CHD9NB: variants seen among roughly 807,000 people sequenced by gnomAD.
The protein encoded by CHD9NB is CHD9 neighbor.
the CHD9NB span, among the ~76,000 whole-genome samples, chr16:53,051,797 ATATATATATATAT>A: frequency 5.5e-5 from 7 of 127,054 alleles, no homozygotes; most frequent in Admixed American, 7.7e-5. Flanking sequence ...ATATATATAT[ATATATATATATAT>A]AATGAGTACC....
At chr16:53,039,742 A>C in the CHD9NB span, among the ~76,000 whole-genome samples, 2 of 1,030 alleles carry the variant, frequency 1.9e-3, no homozygotes, top group South Asian at 0.013. Flanking sequence ...TTCCATCTCA[A>C]AAAAAAAAAA....
chr16:53,044,530 G>A, the CHD9NB span, among the ~76,000 whole-genome samples: 2 of 152,166 alleles, frequency 1.3e-5, no homozygotes, highest in Non-Finnish European at 2.9e-5. Context: ...ACTATGCAAC[G>A]GGCTGTAGCC....
chr16:53,045,670 T>A, the CHD9NB span, among the ~76,000 whole-genome samples: 2 of 152,204 alleles, frequency 1.3e-5, no homozygotes, highest in African/African-American at 4.8e-5. Flanking sequence ...TGACTCGGAT[T>A]CACTTGTGGA....
chr16:53,040,011 C>T, the CHD9NB span, among the ~76,000 whole-genome samples: 9 of 152,124 alleles, frequency 5.9e-5, no homozygotes, highest in Middle Eastern at 3.2e-3. Context: ...CACCCCACTG[C>T]GCCCATCAAG....
At chr16:53,043,787 A>C in the CHD9NB span, 7 of 378,726 alleles carry the variant, frequency 1.8e-5, no homozygotes, top group African/African-American at 1.4e-4. Context: ...TCTGTGGGAG[A>C]GCTGGGGAAA....
At chr16:53,052,523 G>A in the CHD9NB span, among the ~76,000 whole-genome samples, 1 of 152,172 alleles carries the variant, frequency 6.6e-6, no homozygotes, top group Non-Finnish European at 1.5e-5. Context: ...CAGAAACACT[G>A]TGATTAGCAG....
chr16:53,045,798 C>A, the CHD9NB span, among the ~76,000 whole-genome samples: 1 of 152,198 alleles, frequency 6.6e-6, no homozygotes, highest in East Asian at 1.9e-4. Context: ...ATCACTGAGT[C>A]CAGAGTGGTT....
At chr16:53,036,903 G>A in the CHD9NB span, among the ~76,000 whole-genome samples, 3 of 152,124 alleles carry the variant, frequency 2.0e-5, no homozygotes. Context: ...CAAGTTGAAA[G>A]TGTTTCCCGG....
chr16:53,037,738 C>T, the CHD9NB span, among the ~76,000 whole-genome samples: 1 of 152,150 alleles, frequency 6.6e-6, no homozygotes, highest in African/African-American at 2.4e-5. Context: ...TTTACAGCAA[C>T]CCTGGAGGTC....
chr16:53,044,188 T>C, the CHD9NB span: 2 of 398,664 alleles, frequency 5.0e-6, no homozygotes, highest in African/African-American at 2.1e-5. Flanking sequence ...TCCAGTGCCC[T>C]TGGATGTTCC....
At chr16:53,039,901 G>T in the CHD9NB span, among the ~76,000 whole-genome samples, 1 of 151,950 alleles carries the variant, frequency 6.6e-6, no homozygotes, top group Non-Finnish European at 1.5e-5. Context: ...GTGAGGAAAG[G>T]GTTCCCCATG....
the CHD9NB span, chr16:53,043,107 C>T: frequency 6.6e-6 from 1 of 152,214 alleles, no homozygotes; most frequent in Non-Finnish European, 1.5e-5. Flanking sequence ...TATTTGCAAA[C>T]ATGTCTATTT....
At chr16:53,042,343 C>G in the CHD9NB span, among the ~76,000 whole-genome samples, 22 of 150,354 alleles carry the variant, frequency 1.5e-4, no homozygotes, top group African/African-American at 5.4e-4. Context: ...CCCATTCTGC[C>G]TCTCCCCGCT....
At chr16:53,039,901 G>A in the CHD9NB span, among the ~76,000 whole-genome samples, 2 of 151,950 alleles carry the variant, frequency 1.3e-5, no homozygotes, top group South Asian at 4.2e-4. Flanking sequence ...GTGAGGAAAG[G>A]GTTCCCCATG....
chr16:53,051,773 AT>A, the CHD9NB span, among the ~76,000 whole-genome samples: 2 of 20,634 alleles, frequency 9.7e-5, no homozygotes, highest in Admixed American at 3.3e-4. Flanking sequence ...GTATAAATAT[AT>A]ATATATATAT....
chr16:53,036,595 A>G, the CHD9NB span, among the ~76,000 whole-genome samples: 4 of 152,266 alleles, frequency 2.6e-5, no homozygotes, highest in East Asian at 7.7e-4. Context: ...AGGGCACTGA[A>G]GTGTGGTGGC....
At chr16:53,038,539 C>T in the CHD9NB span, among the ~76,000 whole-genome samples, 13 of 152,206 alleles carry the variant, frequency 8.5e-5, no homozygotes, top group South Asian at 4.2e-4. Context: ...TTAGTAGAGA[C>T]GAGGTTTTGC....
the CHD9NB span, among the ~76,000 whole-genome samples, chr16:53,048,738 C>T: frequency 6.6e-6 from 1 of 152,202 alleles, no homozygotes; most frequent in African/African-American, 2.4e-5. Context: ...CTTGTGTGCA[C>T]AGGGTCACCT....
the CHD9NB span, among the ~76,000 whole-genome samples, chr16:53,037,050 C>T: frequency 6.6e-6 from 1 of 152,282 alleles, no homozygotes; most frequent in Non-Finnish European, 1.5e-5. Context: ...ATTCTTGTGC[C>T]TCAGCCTCCT....
Sources: gnomAD v4.1 joint callset for allele counts (sites outside exome capture counted in the v4.1 genomes callset) on GRCh38, gnomAD v4.1.1 for gene constraint, MANE v1.5 for transcripts, NCBI Gene and HGNC (gene_info 2026-07-23, HGNC 2026-07-21) for gene names.